The following CPQ variants were observed in gnomAD, a reference collection of about 807,000 sequenced individuals.
The protein encoded by CPQ is Ser-Met dipeptidase.
Under a neutral mutation model 45.7 loss-of-function variants are expected in CPQ, and 37 were observed. That is an observed-to-expected ratio of 0.81 (90% CI 0.62 to 1.07). The LOEUF (loss-of-function observed/expected upper bound fraction) is 1.07, where lower values mean the gene tolerates loss of function less well. CPQ is among the 50% of genes least tolerant of loss of function. The pLI is 0.00. For synonymous variants in CPQ, 186 were observed against 205.8 expected, an observed-to-expected ratio of 0.90 and a Z score of 0.82; for missense variants, 537 against 572.9, an observed-to-expected ratio of 0.94 and a Z score of 0.64.
At chr8:96,860,791 T>A (rs745418561) in intron 3 of CPQ, among the ~76,000 whole-genome samples, 12 of 152,062 alleles carry the variant, frequency 7.9e-5, no homozygotes, top group Non-Finnish European at 1.3e-4. Context: ...TAAAGAAAAA[T>A]TCCTTATTCC....
chr8:96,777,760 A>ATTT (rs1163639654), intron 1 of CPQ, among the ~76,000 whole-genome samples: 2 of 14,060 alleles, frequency 1.4e-4, no homozygotes, highest in African/African-American at 3.3e-4. Context: ...ATATATATAT[A>ATTT]TTTTTTTTTT....
chr8:96,823,943 G>T (rs1811344046), intron 2 of CPQ, among the ~76,000 whole-genome samples: 2 of 152,008 alleles, frequency 1.3e-5, no homozygotes, highest in Non-Finnish European at 2.9e-5. Context: ...AAGAGGGAAA[G>T]ATTAAAATAT....
At chr8:97,090,700 T>C (rs1459046438) in intron 7 of CPQ, among the ~76,000 whole-genome samples, 4 of 152,144 alleles carry the variant, frequency 2.6e-5, no homozygotes, top group Admixed American at 2.6e-4. Context: ...ACCACAAAAC[T>C]CTTCCCAATA....
chr8:97,003,216 G>A (rs1449298122), intron 5 of CPQ, among the ~76,000 whole-genome samples: 1 of 151,944 alleles, frequency 6.6e-6, no homozygotes, highest in Non-Finnish European at 1.5e-5. Context: ...TATCCATCTT[G>A]TCACTCTGTG....
At chr8:96,740,537 T>C (rs1320614046) in intron 1 of CPQ, among the ~76,000 whole-genome samples, 2 of 151,844 alleles carry the variant, frequency 1.3e-5, no homozygotes, top group Non-Finnish European at 1.5e-5. Context: ...CCCTGTCTTA[T>C]GCCAGTTTTC....
intron 2 of CPQ, among the ~76,000 whole-genome samples, chr8:96,827,671 T>A (rs1009400222): frequency 3.9e-5 from 6 of 152,036 alleles, no homozygotes; most frequent in African/African-American, 1.4e-4. Flanking sequence ...CATTATCTCA[T>A]ATGATGGTCA....
chr8:97,110,165 C>T (rs1447619467), intron 7 of CPQ, among the ~76,000 whole-genome samples: 1 of 152,170 alleles, frequency 6.6e-6, no homozygotes, highest in Non-Finnish European at 1.5e-5. Context: ...CAACACTATT[C>T]TGATTTCTAT....
At chr8:97,032,238 C>T (rs903627802) in intron 6 of CPQ, among the ~76,000 whole-genome samples, 2 of 152,214 alleles carry the variant, frequency 1.3e-5, no homozygotes, top group Admixed American at 1.3e-4. Flanking sequence ...GCTCACTTAA[C>T]ATCCAATCTA....
chr8:96,859,700 C>T (rs1811902091), intron 3 of CPQ, among the ~76,000 whole-genome samples: 1 of 152,084 alleles, frequency 6.6e-6, no homozygotes, highest in African/African-American at 2.4e-5. Context: ...GTTGGCCTGC[C>T]ATGAACAACT....
At chr8:97,050,658 GT>G (rs1294688708) in intron 6 of CPQ, among the ~76,000 whole-genome samples, 2 of 152,094 alleles carry the variant, frequency 1.3e-5, no homozygotes, top group Middle Eastern at 3.2e-3. Context: ...TGAGCCCAGG[GT>G]TTGTGATCAG....
At chr8:96,732,882 G>T (rs1053369219) in intron 1 of CPQ, among the ~76,000 whole-genome samples, 2 of 152,056 alleles carry the variant, frequency 1.3e-5, no homozygotes, top group African/African-American at 4.8e-5. Flanking sequence ...TTAGAATTTC[G>T]TATTCTGAAG....
At chr8:96,908,250 A>T (rs140206773) in intron 4 of CPQ, among the ~76,000 whole-genome samples, 272 of 152,156 alleles carry the variant, frequency 1.8e-3, no homozygotes, top group African/African-American at 6.3e-3. Context: ...CAGAATTCTT[A>T]AGGTTTGCTC....
intron 4 of CPQ, among the ~76,000 whole-genome samples, chr8:96,880,515 G>T (rs1255205108): frequency 1.2e-5 from 1 of 85,762 alleles, no homozygotes; most frequent in Admixed American, 1.5e-4. Flanking sequence ...ACAAATATAT[G>T]GTCATATATA....
chr8:96,748,274 T>C (rs1023891702), intron 1 of CPQ, among the ~76,000 whole-genome samples: 9 of 152,132 alleles, frequency 5.9e-5, no homozygotes, highest in South Asian at 2.1e-4. Context: ...GTTGCTTTTT[T>C]TTCTGGCAAT....
At chr8:96,814,166 T>C (rs1000221688) in intron 2 of CPQ, among the ~76,000 whole-genome samples, 1 of 152,096 alleles carries the variant, frequency 6.6e-6, no homozygotes, top group Non-Finnish European at 1.5e-5. Flanking sequence ...ACAATTTCAA[T>C]AAATTAGATT....
chr8:97,082,156 T>C (rs1437302294), intron 7 of CPQ, among the ~76,000 whole-genome samples: 1 of 152,174 alleles, frequency 6.6e-6, no homozygotes, highest in African/African-American at 2.4e-5. Flanking sequence ...ATTTTGGCAT[T>C]TGAATGCTGT....
chr8:96,895,486 G>A (rs1266907171), intron 4 of CPQ, among the ~76,000 whole-genome samples: 1 of 152,056 alleles, frequency 6.6e-6, no homozygotes, highest in Non-Finnish European at 1.5e-5. Flanking sequence ...ACTTAACCTG[G>A]TATTAGATGT....
At chr8:96,852,393 T>C (rs1162232776) in intron 3 of CPQ, among the ~76,000 whole-genome samples, 2 of 152,220 alleles carry the variant, frequency 1.3e-5, no homozygotes, top group Admixed American at 6.5e-5. Context: ...ATTTTCATTT[T>C]TCGTGTGTTC....
chr8:96,971,785 T>A (rs938341456), intron 5 of CPQ, among the ~76,000 whole-genome samples: 5 of 152,214 alleles, frequency 3.3e-5, no homozygotes, highest in African/African-American at 1.2e-4. Context: ...ATTTTGGTCT[T>A]GATGTTTTAT....
Sources: allele counts gnomAD v4.1 joint callset (sites outside exome capture counted in the v4.1 genomes callset), GRCh38; gene constraint gnomAD v4.1.1; transcripts MANE v1.5; gene names NCBI Gene and HGNC (gene_info 2026-07-23, HGNC 2026-07-21).